The following SYNE2 variants were observed in gnomAD, a reference collection of about 807,000 sequenced individuals.
The protein encoded by SYNE2 is nesprin-2.
Under a neutral mutation model 856.3 loss-of-function variants are expected in SYNE2, and 431 were observed. The observed-to-expected ratio is 0.50, with a 90% CI of 0.47 to 0.55. The LOEUF (loss-of-function observed/expected upper bound fraction) is 0.55, where lower values mean the gene tolerates loss of function less well. Among genes scored for constraint, SYNE2 ranks in the 20% least tolerant of loss-of-function variants. The pLI, the probability that SYNE2 is intolerant of heterozygous loss-of-function variation, is 0.00. For missense variants in SYNE2, 8,129 were observed against 8,023.2 expected, an observed-to-expected ratio of 1.01 and a Z score of -0.50; for synonymous variants, 2,923 against 2,872.3, an observed-to-expected ratio of 1.02 and a Z score of -0.56.
intron 2 of SYNE2, among the ~76,000 whole-genome samples, chr14:63,933,537 G>T (rs1362872581): frequency 6.6e-6 from 1 of 152,074 alleles, no homozygotes; most frequent in Non-Finnish European, 1.5e-5. Flanking sequence ...TTTGCCTTCT[G>T]TGCCTCATTT....
rs539646406 is a variant in SYNE2 at position 64,181,044 on chromosome 14, T to C, written c.17556+3561T>C. On this transcript the variant is annotated intron_variant, in intron 96 of 115. Transcript: ENST00000555002. Reference sequence around the variant, plus strand: ...ATTTTTTTGGGTGTCTATGAGACCATCATCATCTGTCAATAATGACAAGGT... The same window carrying C: ...ATTTTTTTGGGTGTCTATGAGACCACCATCATCTGTCAATAATGACAAGGT... 1.7e-4 allele frequency among the ~76,000 whole-genome samples: 26 copies of C among 152,338 alleles called. No homozygotes were observed. The South Asian group carries it at 3.3e-3, about 19-fold the overall frequency.
At chr14:64,108,988 A>G (rs893926792) in intron 65 of SYNE2, among the ~76,000 whole-genome samples, 3 of 151,854 alleles carry the variant, frequency 2.0e-5, no homozygotes, top group Non-Finnish European at 4.4e-5. Context: ...TGATCCTCCC[A>G]CCTTAGCCTC....
intron 62 of SYNE2, 29 bp downstream of exon 62, chr14:64,098,175 C>T (rs772971428): frequency 6.2e-7 from 1 of 1,609,498 alleles, no homozygotes; most frequent in East Asian, 2.2e-5. Flanking sequence ...TAATGCTGGC[C>T]CCACACTCCA....
intron 8 of SYNE2, among the ~76,000 whole-genome samples, chr14:63,957,975 G>A (rs909873211): frequency 1.3e-5 from 2 of 152,048 alleles, no homozygotes; most frequent in African/African-American, 2.4e-5. Flanking sequence ...CCGGGAGGTG[G>A]AGGTTGCAGT....
chr14:63,957,773 A>T (rs2153441047), intron 8 of SYNE2, among the ~76,000 whole-genome samples: 1 of 152,174 alleles, frequency 6.6e-6, no homozygotes, highest in Non-Finnish European at 1.5e-5. Context: ...CACCTGGCCG[A>T]GCTAGTGCTG....
chr14:64,108,459 G>A (rs1322340149), intron 65 of SYNE2, among the ~76,000 whole-genome samples: 1 of 152,128 alleles, frequency 6.6e-6, no homozygotes, highest in Non-Finnish European at 1.5e-5. Context: ...TTGTACCTCA[G>A]TTGTTCTCAA....
chr14:63,789,693 G>A (rs1445995668), intron 1 of SYNE2, among the ~76,000 whole-genome samples: 1 of 151,788 alleles, frequency 6.6e-6, no homozygotes, highest in Non-Finnish European at 1.5e-5. Context: ...CAGGAGAATC[G>A]CTTGAACCAG....
chr14:64,144,524 G>C (rs1363843179), intron 83 of SYNE2, among the ~76,000 whole-genome samples: 1 of 152,136 alleles, frequency 6.6e-6, no homozygotes, highest in Admixed American at 6.6e-5. Flanking sequence ...ATTCACAAAA[G>C]AGGAAATTAT....
chr14:63,783,974 A>C (rs1887419797), intron 1 of SYNE2, among the ~76,000 whole-genome samples: 1 of 152,202 alleles, frequency 6.6e-6, no homozygotes, highest in Non-Finnish European at 1.5e-5. Flanking sequence ...AAATACACGC[A>C]AATGTATCAA....
chr14:64,205,119 A>C (rs562007238), intron 100 of SYNE2, among the ~76,000 whole-genome samples: 1 of 152,102 alleles, frequency 6.6e-6, no homozygotes, highest in East Asian at 1.9e-4. Context: ...TAATCTCCCT[A>C]TTTCAAGGTC....
chr14:63,852,444 C>G (rs1353540652), upstream of SYNE2, among the ~76,000 whole-genome samples: 3 of 152,262 alleles, frequency 2.0e-5, no homozygotes, highest in East Asian at 5.8e-4. Flanking sequence ...TCCCCTCATC[C>G]AAGGGGAAGG....
chr14:63,907,453 C>T (rs1046031818), intron 1 of SYNE2, among the ~76,000 whole-genome samples: 3 of 152,086 alleles, frequency 2.0e-5, no homozygotes, highest in African/African-American at 7.2e-5. Context: ...TAAGCTTTGT[C>T]TTTTCAAATG....
At chr14:64,143,625 A>T (rs2098158220) in intron 82 of SYNE2, 147 bp from the exon 83 acceptor site, 1 of 791,670 alleles carries the variant, frequency 1.3e-6, no homozygotes, top group East Asian at 2.6e-5. Flanking sequence ...CTCCTGGTGT[A>T]GGTTGGGGAG....
intron 1 of SYNE2, among the ~76,000 whole-genome samples, chr14:63,772,417 A>G (rs908240383): frequency 1.3e-5 from 2 of 151,948 alleles, no homozygotes; most frequent in African/African-American, 4.8e-5. Context: ...CCATCAAGCT[A>G]CCTATTAGCA....
chr14:64,036,477 GT>G (rs2097091554), intron 45 of SYNE2, among the ~76,000 whole-genome samples: 1 of 152,014 alleles, frequency 6.6e-6, no homozygotes, highest in Non-Finnish European at 1.5e-5. Context: ...TAGAGACGGG[GT>G]TTCACCATGT....
chr14:63,935,518 C>T (rs2153407032), intron 2 of SYNE2, among the ~76,000 whole-genome samples: 1 of 152,280 alleles, frequency 6.6e-6, no homozygotes, highest in East Asian at 1.9e-4. Flanking sequence ...AGATGTCATA[C>T]TTTTGCACAT....
intron 1 of SYNE2, among the ~76,000 whole-genome samples, chr14:63,856,774 C>T (rs1294700708): frequency 6.6e-6 from 1 of 151,870 alleles, no homozygotes. Flanking sequence ...TGTAAATTCA[C>T]TTATTTTATT....
intron 8 of SYNE2, among the ~76,000 whole-genome samples, chr14:63,957,724 G>A (rs1233961502): frequency 2.0e-5 from 3 of 152,062 alleles, no homozygotes; most frequent in African/African-American, 4.8e-5. Context: ...AAAATTAGCC[G>A]GGTGTGGTGG....
chr14:64,087,906 G>A (rs578150565), intron 58 of SYNE2, 50 bp downstream of exon 58: 37 of 1,589,350 alleles, frequency 2.3e-5, no homozygotes, highest in South Asian at 3.3e-5. Context: ...TAGAGGCTGG[G>A]CAATGGTGGC....
Sources: allele counts gnomAD v4.1 joint callset (sites outside exome capture counted in the v4.1 genomes callset), GRCh38; gene constraint gnomAD v4.1.1; transcripts MANE v1.5; gene names NCBI Gene and HGNC (gene_info 2026-07-23, HGNC 2026-07-21).